The following PCDH15 variants were observed in gnomAD, a reference collection of about 807,000 sequenced individuals.
PCDH15 encodes the protein protocadherin related 15, also known as protocadherin-15.
PCDH15 carries 129 observed loss-of-function variants against 178.5 expected under a neutral mutation model. The observed-to-expected ratio is 0.72, with a 90% confidence interval of 0.63 to 0.84. PCDH15 has a LOEUF of 0.84. Ranked by LOEUF, PCDH15 falls within the 40% of genes least tolerant of loss-of-function variation. The probability of loss-of-function intolerance (pLI) is 0.00; values close to 1 mark genes in which losing one functional copy is unlikely to be tolerated. For synonymous variants in PCDH15, 800 were observed against 732.0 expected (o/e 1.09, Z -1.50); for missense variants, 2,230 against 2,099.9 (o/e 1.06, Z -1.21).
At chr10:55,304,364 T>C (rs1194342375) in intron 1 of PCDH15, among the ~76,000 whole-genome samples, 2 of 152,188 alleles carry the variant, frequency 1.3e-5, no homozygotes, top group African/African-American at 2.4e-5. Flanking sequence ...AAATAAAACC[T>C]AAGTATATCA....
At chr10:54,842,939 A>C (rs1306537658) in intron 3 of PCDH15, among the ~76,000 whole-genome samples, 7 of 151,928 alleles carry the variant, frequency 4.6e-5, no homozygotes, top group Non-Finnish European at 7.4e-5. Flanking sequence ...AAAAGAAATA[A>C]GTGTCATCGT....
At chr10:55,154,262 A>G (rs1489594491) in intron 2 of PCDH15, among the ~76,000 whole-genome samples, 1 of 152,186 alleles carries the variant, frequency 6.6e-6, no homozygotes, top group African/African-American at 2.4e-5. Context: ...TCATACTATA[A>G]TGAAAACAAG....
At position 55,607,869 on chromosome 10, in the gene PCDH15, G is replaced by T. The variant is rs768177809; in HGVS notation, c.-156+19756C>A. ...CATATGTAACTAACCTGCACATTGT[G>T]CACATGTACCCTAAAACTTAAAGTA... On this transcript the variant is annotated intron_variant, in intron 2 of 5. Coordinates refer to the PCDH15 transcript ENST00000613346. Among the ~76,000 whole-genome samples, 27 of 151,412 alleles carry T rather than the reference G, an allele frequency of 1.8e-4. 1 individual carries two copies. Among genetic ancestry groups the T allele is most frequent in the Admixed American group, 1.1e-3 (16 of 15,182 alleles).
At chr10:54,847,013 G>A (rs905193250) in intron 3 of PCDH15, among the ~76,000 whole-genome samples, 1 of 152,098 alleles carries the variant, frequency 6.6e-6, no homozygotes, top group Non-Finnish European at 1.5e-5. Context: ...AGATAATTTT[G>A]TGAAAAGTTA....
Position 54,758,438 on chromosome 10 carries a change from C to T in PCDH15, c.-29+42487G>A, listed in dbSNP as rs903554117. 3.3e-5 allele frequency among the ~76,000 whole-genome samples: 5 copies of T among 152,188 alleles called. No individual in the cohort carries two copies. The East Asian group carries it at 9.6e-4, about 29-fold the overall frequency. ...ACGCTTTTTGGATATTGTCTTTTCA[C>T]ATCCCATCATGTTTACAAAATGGCA... On this transcript the variant is annotated intron_variant, in intron 1 of 37. Coordinates refer to ENST00000644397, the MANE Select transcript of PCDH15 (RefSeq NM_001384140.1).
chr10:54,595,316 C>T (rs1048895677), intron 2 of PCDH15, among the ~76,000 whole-genome samples: 1 of 152,194 alleles, frequency 6.6e-6, no homozygotes, highest in African/African-American at 2.4e-5. Context: ...AGAGTTAGAG[C>T]ACACAATGCA....
intron 2 of PCDH15, among the ~76,000 whole-genome samples, chr10:55,470,765 C>T (rs1307192820): frequency 6.6e-6 from 1 of 151,992 alleles, no homozygotes; most frequent in Non-Finnish European, 1.5e-5. Flanking sequence ...ATCAGACTAT[C>T]ATACAAAGTT....
intron 4 of PCDH15, among the ~76,000 whole-genome samples, chr10:54,373,527 C>A (rs1027304417): frequency 6.6e-6 from 1 of 151,830 alleles, no homozygotes; most frequent in African/African-American, 2.4e-5. Context: ...AAGAAAATAT[C>A]AATTTGTAAA....
At chr10:54,705,370 T>C (rs2095355373) in intron 1 of PCDH15, among the ~76,000 whole-genome samples, 1 of 152,084 alleles carries the variant, frequency 6.6e-6, no homozygotes, top group African/African-American at 2.4e-5. Flanking sequence ...GAACTGTCAT[T>C]TGAATGTGGT....
intron 5 of PCDH15, among the ~76,000 whole-genome samples, chr10:54,360,002 C>T (rs1945740614): frequency 1.3e-5 from 2 of 152,076 alleles, no homozygotes; most frequent in Non-Finnish European, 2.9e-5. Context: ...AATACTGAAA[C>T]TGGTCTAATC....
chr10:55,565,043 G>C (rs1337623837), intron 2 of PCDH15, among the ~76,000 whole-genome samples: 1 of 151,624 alleles, frequency 6.6e-6, no homozygotes, highest in African/African-American at 2.4e-5. Flanking sequence ...CCCCACAACA[G>C]AATATGCATT....
chr10:55,270,072 G>A lies in PCDH15; in HGVS notation c.-156+49527C>T, dbSNP rs567701288. ...AATAAATGGTCCTGGGTTATAACTG[G>A]CTAGCCATATGCACAAGAATGAACC... is the stretch of plus-strand genomic sequence containing the variant. On this transcript the variant is annotated intron_variant, in intron 1 of 5. Coordinates refer to the PCDH15 transcript ENST00000458638. 7.9e-5 allele frequency among the ~76,000 whole-genome samples: 12 copies of A among 152,210 alleles called. No homozygotes were observed. In the South Asian group the frequency reaches 2.5e-3, roughly 32 times the overall value.
chr10:55,388,063 C>T (rs1243094412), intron 2 of PCDH15, among the ~76,000 whole-genome samples: 3 of 151,980 alleles, frequency 2.0e-5, no homozygotes, highest in African/African-American at 7.2e-5. Context: ...GTGTCTTCTT[C>T]CCCGTCAAAA....
intron 3 of PCDH15, among the ~76,000 whole-genome samples, chr10:54,827,378 C>T (rs1316518289): frequency 2.0e-5 from 3 of 152,028 alleles, no homozygotes; most frequent in Non-Finnish European, 4.4e-5. Flanking sequence ...TTCAATAATC[C>T]TAAACTGGGC....
intron 2 of PCDH15, among the ~76,000 whole-genome samples, chr10:55,475,037 G>A (rs993361767): frequency 7.9e-5 from 12 of 152,094 alleles, no homozygotes; most frequent in African/African-American, 2.2e-4. Flanking sequence ...ACTCGTCTTC[G>A]CCCATTTTGT....
intron 2 of PCDH15, among the ~76,000 whole-genome samples, chr10:55,018,303 T>A (rs1840234541): frequency 6.6e-6 from 1 of 152,084 alleles, no homozygotes; most frequent in African/African-American, 2.4e-5. Context: ...CCATCACAGA[T>A]ACCAAAATTC....
At chr10:55,027,902 T>C (rs1322213466) in intron 2 of PCDH15, among the ~76,000 whole-genome samples, 1 of 151,900 alleles carries the variant, frequency 6.6e-6, no homozygotes, top group Admixed American at 6.6e-5. Flanking sequence ...AATTTCTTCC[T>C]ATTCAATCTT....
At chr10:54,789,497 A>G (rs554860914) in intron 1 of PCDH15, among the ~76,000 whole-genome samples, 1 of 151,982 alleles carries the variant, frequency 6.6e-6, no homozygotes, top group Non-Finnish European at 1.5e-5. Context: ...ACAAATATAA[A>G]TCACTGACAA....
chr10:55,042,385 A>T (rs909575683), intron 2 of PCDH15, among the ~76,000 whole-genome samples: 18 of 152,164 alleles, frequency 1.2e-4, no homozygotes, highest in African/African-American at 4.1e-4. Context: ...TGCTTAAGAA[A>T]AATTGATAAT....
Sources: allele counts gnomAD v4.1 joint callset (sites outside exome capture counted in the v4.1 genomes callset), GRCh38; gene constraint gnomAD v4.1.1; transcripts MANE v1.5; gene names NCBI Gene and HGNC (gene_info 2026-07-23, HGNC 2026-07-21).